Variants in PLXNB2 observed in about 807,000 individuals in gnomAD.
PLXNB2 encodes plexin B2.
Under a neutral mutation model 202.6 loss-of-function variants are expected in PLXNB2, and 85 were observed. The ratio of observed to expected loss-of-function variants is 0.42; its 90% confidence interval spans 0.35 to 0.50. The LOEUF is 0.50. Among genes scored for constraint, PLXNB2 ranks in the 20% least tolerant of loss-of-function variants. PLXNB2 has a pLI of 0.02. For synonymous variants in PLXNB2, 1,239 were observed against 1,137.6 expected, an observed-to-expected ratio of 1.09 and a Z score of -1.79; for missense variants, 2,063 against 2,586.2, an observed-to-expected ratio of 0.80 and a Z score of 4.39.
rs1569158038 is a variant in PLXNB2, at chr22:50,278,903, G to C, written c.4498C>G (p.Arg1500Gly). 1.9e-6 allele frequency: 3 copies of C among 1,613,412 alleles called. No individual in the cohort carries two copies. The highest frequency in any genetic ancestry group is 8.5e-7 in the Non-Finnish European group (1 of 1,179,866). ...VKEKIIDQVY[R>G]GQPCSCWPRP... ...GGCCAGCAGGAGCAGGGCTGCCCAC[G>C]GTACACCTGGTCAATGATCTTCTCC... The change falls in exon 28 of 37, where the codon CGT becomes GGT. Residue 1500 changes from arginine (R) to glycine (G), a missense_variant. Coordinates refer to ENST00000359337, the MANE Select transcript of PLXNB2 (RefSeq NM_012401.4).
At chr22:50,287,004 TGCCTGTGCAGA>T (rs2066503710) in intron 8 of PLXNB2, 96 bp downstream of exon 8, 4 of 1,141,226 alleles carry the variant, frequency 3.5e-6, no homozygotes, top group Non-Finnish European at 4.7e-6. Context: ...CCGCGGAGTG[TGCCTGTGCAGA>T]GCCTGCACCC....
Position 50,289,580 on chromosome 22 carries a change from C to A in PLXNB2, c.1005G>T (p.Arg335=). The A allele has an allele frequency of 6.2e-7, 1 of 1,611,494 alleles. No homozygotes were observed. Among genetic ancestry groups the A allele is most frequent in the Non-Finnish European group, 8.5e-7 (1 of 1,179,894 alleles). ...GCTTGTAGAAGATGTCACGGGCCTC[C>A]CGGGTGCCTGTGTAACAGGCGTTGC... ...ANRNACYTGT[R]EARDIFYKPF... is the part of the protein sequence containing the mutation. The change falls in exon 3 of 37, where the codon CGG becomes CGT. Residue 335 remains arginine (R), a synonymous_variant. Transcript: ENST00000359337. The surrounding 1 kb of genome is among the most constrained non-coding windows in gnomAD (Gnocchi z 8.0).
In PLXNB2 at chr22:50,290,395, C is replaced by T. The variant is rs536602240; in HGVS notation, c.190G>A (p.Glu64Lys). Residue 64 changes from glutamate (E) to lysine (K), a missense_variant, in exon 3 of 37, where the codon GAG becomes AAG. Glu to Lys is a moderately conservative substitution (Grantham distance 56, BLOSUM62 1). Coordinates refer to ENST00000359337, the MANE Select transcript of PLXNB2 (RefSeq NM_012401.4). Reference protein sequence around the residue: ...LYQLDAKLQLEQQVATGPALD... With the variant: ...LYQLDAKLQLKQQVATGPALD... ...GCCGGGCCCGTGGCCACCTGCTGCT[C>T]CAGCTGCAGCTTCGCATCCAGCTGG... 1.4e-4 allele frequency: 219 copies of T among 1,612,970 alleles called. 3 individuals carry two copies. In the South Asian group the frequency reaches 2.2e-3, roughly 16 times the overall value.
Position 50,284,907 on chromosome 22 carries a change from T to C in PLXNB2, c.2089-242A>G. 1.6e-6 allele frequency: 1 copy of C among 638,886 alleles called. No homozygotes were observed. Among genetic ancestry groups the C allele is most frequent in the Non-Finnish European group, 3.0e-6 (1 of 334,768 alleles). 39.6% of individuals were successfully genotyped at this position (638,886 alleles called of 1,614,324 possible). The stretch of plus-strand genomic sequence containing the variant: ...TTCCCACGGCCACCTCCACCACTCA[T>C]CCACACCTGAGAACATCGCCCGGCC... On this transcript the variant is annotated intron_variant, in intron 11 of 36. Coordinates refer to ENST00000359337, the MANE Select transcript of PLXNB2 (RefSeq NM_012401.4). This position sits in a 1 kb window ranked among gnomAD's most constrained non-coding sequence, Gnocchi z 8.0.
chr22:50,279,657 C>T lies in PLXNB2; in HGVS notation c.4362G>A (p.Leu1454=). 6.2e-7 allele frequency: 1 copy of T among 1,614,004 alleles called. No homozygotes were observed. The part of the protein sequence containing the change: ...AKYTLNDTGL[L]GDDVEYAPLT... Reference sequence around the variant, plus strand: ...GGGGTGCGTACTCCACATCATCCCCCAGCAGCCCCGTGTCGTTGAGAGTGT... The same window carrying T: ...GGGGTGCGTACTCCACATCATCCCCTAGCAGCCCCGTGTCGTTGAGAGTGT... The change falls in exon 27 of 37, where the codon CTG becomes CTA. Residue 1454 remains leucine (L), a synonymous_variant. Transcript: ENST00000359337.
In PLXNB2 at chr22:50,285,844, C is replaced by T. The variant is rs769364893; in HGVS notation, c.2044G>A (p.Glu682Lys). Reference sequence around the variant, plus strand: ...TTGCCCTGGAAGTTCACATCTGTCTCGTGGTTCATGGGGATCACCAGGGGG... The same window carrying T: ...TTGCCCTGGAAGTTCACATCTGTCTTGTGGTTCATGGGGATCACCAGGGGG... ...PSPLVIPMNH[E>K]TDVNFQGKNL... Residue 682 changes from glutamate (E) to lysine (K), a missense_variant, in exon 11 of 37, where the codon GAG becomes AAG. Around this residue, in one of 2 missense-constraint regions of PLXNB2, gnomAD observed 1,303 missense variants for 1,476.8 expected, o/e 0.88. Transcript: ENST00000359337. 4.0e-5 allele frequency: 65 copies of T among 1,612,918 alleles called. No homozygotes were observed. The highest frequency in any genetic ancestry group is 5.2e-5 in the Non-Finnish European group (61 of 1,179,868).
At position 50,277,915 on chromosome 22, in the gene PLXNB2, G is replaced by A. The variant is rs770912156; in HGVS notation, c.4986C>T (p.Asp1662=). 15 of 1,613,074 alleles carry A rather than the reference G, an allele frequency of 9.3e-6. No homozygotes were observed. The highest frequency in any genetic ancestry group is 1.6e-4 in the Middle Eastern group (1 of 6,084). The change falls in exon 32 of 37, where the codon GAC becomes GAT. Residue 1662 remains aspartate (D), a synonymous_variant. Coordinates refer to ENST00000359337, the MANE Select transcript of PLXNB2 (RefSeq NM_012401.4). The stretch of plus-strand genomic sequence containing the variant: ...GGATGTTGTGCTTCTCTGCCTGCTC[G>A]TCCAGGAAGTCGAAGAAGTACTTGA... ...PAVKYFFDFL[D]EQAEKHNIQD...
chr22:50,291,678 C>T lies in PLXNB2; in HGVS notation c.-13-1081G>A, dbSNP rs548048922. Among the ~76,000 whole-genome samples, 12 of 152,198 alleles carry T rather than the reference C, an allele frequency of 7.9e-5. No homozygotes were observed. The highest frequency in any genetic ancestry group is 1.4e-4 in the African/African-American group (6 of 41,512). On this transcript the variant is annotated intron_variant, in intron 2 of 36. Coordinates refer to ENST00000359337, the MANE Select transcript of PLXNB2 (RefSeq NM_012401.4). This position sits in a 1 kb window ranked among gnomAD's most constrained non-coding sequence, Gnocchi z 4.3. ...CTCTGAGCTCTTCCTCAGGGTGGTC[C>T]GTCCCTCTCACGCTAGGGACCCTGC...
At chr22:50,277,300 C>CAA (rs34557850) in intron 33 of PLXNB2, among the ~76,000 whole-genome samples, 4,170 of 142,668 alleles carry the variant, frequency 0.029, 100 homozygotes, top group East Asian at 0.069. Flanking sequence ...GACTCCATCT[C>CAA]AAAAAAAAAA....
At chr22:50,301,994 G>A (rs542372803) in intron 1 of PLXNB2, among the ~76,000 whole-genome samples, 1 of 152,376 alleles carries the variant, frequency 6.6e-6, no homozygotes, top group East Asian at 1.9e-4. Flanking sequence ...CTCGTCCCCA[G>A]TACAAAGAGC....
intron 8 of PLXNB2, 133 bp from the exon 9 acceptor site, chr22:50,286,420 C>T (rs990523752): frequency 2.7e-5 from 17 of 636,190 alleles, no homozygotes; most frequent in Admixed American, 1.6e-4. Context: ...CAGGACGCCC[C>T]GCATTCATGT....
rs778433550 is a variant in PLXNB2, at chr22:50,284,625, A to G, written c.2129T>C (p.Met710Thr). Reference protein sequence around the residue: ...LHVGSDLLKFMEPVTMQESGT... With the variant: ...LHVGSDLLKFTEPVTMQESGT... ...AGATTCCTGCATGGTCACCGGCTCC[A>G]TGAACTTGAGCAAGTCACTGCCCAC... Residue 710 changes from methionine to threonine, a missense_variant, in exon 12 of 37, where the codon ATG becomes ACG. By Grantham distance (81) the Met-to-Thr change is moderately conservative. Around this residue, in one of 2 missense-constraint regions of PLXNB2, gnomAD observed 1,303 missense variants for 1,476.8 expected, o/e 0.88. Transcript: ENST00000359337. This position sits in a 1 kb window ranked among gnomAD's most constrained non-coding sequence, Gnocchi z 8.0. 6 of 1,611,596 alleles carry G rather than the reference A, an allele frequency of 3.7e-6. No homozygotes were observed. In the South Asian group the frequency reaches 5.5e-5, roughly 15 times the overall value.
At chr22:50,285,967 CCT>C (rs774185367) in intron 10 of PLXNB2, 21 bp downstream of exon 10, 65 of 1,608,548 alleles carry the variant, frequency 4.0e-5, no homozygotes, top group East Asian at 3.8e-4. Flanking sequence ...TGAACAGTCC[CCT>C]GAGGCCCCGA....
At chr22:50,281,828 G>A in intron 20 of PLXNB2, 26 bp downstream of exon 20, 3 of 1,599,984 alleles carry the variant, frequency 1.9e-6, no homozygotes, top group Non-Finnish European at 2.6e-6. Context: ...GCAGGACCCA[G>A]ACACCCGGGG....
At position 50,284,039 on chromosome 22, in the gene PLXNB2, G is replaced by T. The variant is rs114307199; in HGVS notation, c.2264-49C>A. The T allele has an allele frequency of 1.4e-6, 2 of 1,424,324 alleles. No homozygotes were observed. The highest frequency in any genetic ancestry group is 1.9e-6 in the Non-Finnish European group (2 of 1,068,768). 88.2% of individuals were successfully genotyped at this position (1,424,324 alleles called of 1,614,324 possible). A position where few individuals can be genotyped will look rare whatever the true frequency, so the allele number is the denominator to read the frequency against. On this transcript the variant is annotated intron_variant, in intron 13 of 36. Transcript: ENST00000359337. This position sits in a 1 kb window ranked among gnomAD's most constrained non-coding sequence, Gnocchi z 8.0. ...GGTCACCCCGTGCCTGCCCGCCCCC[G>T]ACCTGCTCCCCACTGCGCCCACCTG...
rs1222418641 is a variant in PLXNB2, at chr22:50,290,058, G to A, written c.527C>T (p.Pro176Leu). The part of the protein sequence containing the change: ...RVLFVGKGNG[P>L]HDNGIIVSTR... ...GCTCACGATGATGCCGTTGTCGTGT[G>A]GCCCATTGCCTTTGCCCACAAACAG... Residue 176 changes from proline (P) to leucine (L), a missense_variant, in exon 3 of 37, where the codon CCA becomes CTA. By Grantham distance (98) the Pro-to-Leu change is moderately conservative. Around this residue, in one of 2 missense-constraint regions of PLXNB2, gnomAD observed 1,303 missense variants for 1,476.8 expected, o/e 0.88. Coordinates refer to ENST00000359337, the MANE Select transcript of PLXNB2 (RefSeq NM_012401.4). 4 of 1,613,396 alleles carry A rather than the reference G, an allele frequency of 2.5e-6. No homozygotes were observed. Among genetic ancestry groups the A allele is most frequent in the South Asian group, 1.1e-5 (1 of 91,086 alleles).
At chr22:50,282,541 AT>A in intron 18 of PLXNB2, 169 bp downstream of exon 18, 3 of 668,608 alleles carry the variant, frequency 4.5e-6, no homozygotes, top group Non-Finnish European at 7.4e-6. Flanking sequence ...TGGTGTGCCC[AT>A]CTGGGTTTCT....
chr22:50,295,328 G>A (rs1030173521), intron 1 of PLXNB2, among the ~76,000 whole-genome samples: 48 of 141,060 alleles, frequency 3.4e-4, no homozygotes, highest in African/African-American at 1.2e-3. Flanking sequence ...AAAAAAAAAA[G>A]TTGCTTTCTG....
chr22:50,284,520 C>A lies in PLXNB2; in HGVS notation c.2181+53G>T. ...ACAGTCCTGAAGGTGACCCCCCACC[C>A]CACCCGGGGCCCTGGGGTCCAGCAG... is the stretch of plus-strand genomic sequence containing the variant. On this transcript the variant is annotated intron_variant, in intron 12 of 36. Transcript: ENST00000359337. This position sits in a 1 kb window ranked among gnomAD's most constrained non-coding sequence, Gnocchi z 8.0. 1 of 1,396,990 alleles carries A rather than the reference C, an allele frequency of 7.2e-7. No individual in the cohort carries two copies. The highest frequency in any genetic ancestry group is 1.2e-5 in the South Asian group (1 of 82,870). 86.5% of individuals were successfully genotyped at this position (1,396,990 alleles called of 1,614,324 possible). A position where few individuals can be genotyped will look rare whatever the true frequency, so the allele number is the denominator to read the frequency against.
Sources: gnomAD v4.1 joint callset for allele counts (sites outside exome capture counted in the v4.1 genomes callset) on GRCh38, gnomAD v4.1.1 for gene constraint, gnomAD v4.1.1 regional missense constraint, Gnocchi (gnomAD v3.1) non-coding constraint, MANE v1.5 for transcripts, NCBI Gene and HGNC (gene_info 2026-07-23, HGNC 2026-07-21) for gene names.